Variants in EVA1C observed in about 807,000 individuals in gnomAD.
The protein encoded by EVA1C is eva-1 homolog C, also known as protein eva-1 homolog C.
In EVA1C, 25 loss-of-function variants were observed where a neutral mutation model predicts 45.4. That is an observed-to-expected ratio of 0.55 (90% confidence interval 0.40 to 0.77). The LOEUF (loss-of-function observed/expected upper bound fraction) is 0.77, where lower values mean the gene tolerates loss of function less well. EVA1C is among the 30% of genes least tolerant of loss of function. EVA1C has a pLI of 0.00. For missense variants in EVA1C, 479 were observed against 554.8 expected, an observed-to-expected ratio of 0.86 and a Z score of 1.37; for synonymous variants, 190 against 221.2, an observed-to-expected ratio of 0.86 and a Z score of 1.25.
Position 32,515,324 on chromosome 21 carries a change from G to A in EVA1C, c.*134G>A. 2 of 919,764 alleles carry A rather than the reference G, an allele frequency of 2.2e-6. No individual in the cohort carries two copies. The highest frequency in any genetic ancestry group is 3.2e-6 in the Non-Finnish European group (2 of 624,936). 57.0% of individuals were successfully genotyped at this position (919,764 alleles called of 1,614,324 possible). A position where few individuals can be genotyped will look rare whatever the true frequency, so the allele number is the denominator to read the frequency against. On this transcript the variant is annotated 3_prime_UTR_variant, in exon 8 of 8. Transcript: ENST00000300255. Reference sequence around the variant, plus strand: ...CATTCAACACTCGTGAGGCCAGGAAGCTATTAAAGGGATGTTTCAAGCTGT... The same window carrying A: ...CATTCAACACTCGTGAGGCCAGGAAACTATTAAAGGGATGTTTCAAGCTGT...
rs199974970 is a variant in EVA1C, at chr21:32,412,867, G to T, written c.14G>T (p.Gly5Val). 6.1e-4 allele frequency: 910 copies of T among 1,494,404 alleles called. 2 individuals are homozygous for T. The African/African-American group carries it at 0.012, about 20-fold the overall frequency. The allele number at this position is 1,494,404 out of a possible 1,614,324, so 92.6% of individuals were successfully genotyped here. A position where few individuals can be genotyped will look rare whatever the true frequency, so the allele number is the denominator to read the frequency against. The change falls in exon 1 of 8, where the codon GGA (glycine) becomes GTA (valine). Residue 5 changes from glycine to valine, a missense_variant. Transcript: ENST00000300255. Reference protein sequence around the residue: MLLPGRARQPPTPQP... With the variant: MLLPVRARQPPTPQP... Reference sequence around the variant, plus strand: ...GCGCAGCGCACGATGCTTCTGCCGGGACGCGCACGCCAACCGCCGACGCCC... The same window carrying T: ...GCGCAGCGCACGATGCTTCTGCCGGTACGCGCACGCCAACCGCCGACGCCC...
At chr21:32,494,888 T>C (rs1225643054) in intron 4 of EVA1C, 139 bp from the exon 5 acceptor site, 3 of 916,698 alleles carry the variant, frequency 3.3e-6, no homozygotes, top group Non-Finnish European at 4.9e-6. Flanking sequence ...GGTGCTTTAA[T>C]GAGACAGAAA....
At chr21:32,493,153 T>A (rs1035160177) in intron 4 of EVA1C, among the ~76,000 whole-genome samples, 3 of 152,218 alleles carry the variant, frequency 2.0e-5, no homozygotes, top group African/African-American at 7.2e-5. Context: ...TGTTATATTA[T>A]AAGTGAATGG....
In EVA1C at chr21:32,414,898, T is replaced by C. The variant is rs1398996018; in HGVS notation, c.160+1885T>C. 3.9e-5 allele frequency among the ~76,000 whole-genome samples: 6 copies of C among 152,196 alleles called. No homozygotes were observed. The East Asian group carries it at 9.6e-4, about 24-fold the overall frequency. Reference sequence around the variant, plus strand: ...CCTTTTGGGGAGAAGAAAGGAAATATAATGTCCTCCCAAACCACTGATGCA... The same window carrying C: ...CCTTTTGGGGAGAAGAAAGGAAATACAATGTCCTCCCAAACCACTGATGCA... On this transcript the variant is annotated intron_variant, in intron 1 of 7. Transcript: ENST00000300255.
intron 4 of EVA1C, among the ~76,000 whole-genome samples, chr21:32,483,195 C>T (rs2036854692): frequency 6.6e-6 from 1 of 152,116 alleles, no homozygotes; most frequent in Admixed American, 6.5e-5. Flanking sequence ...TCTGCACCAT[C>T]CTTTGGGTGT....
At chr21:32,472,143 TTTAA>T in intron 4 of EVA1C, among the ~76,000 whole-genome samples, 1 of 151,968 alleles carries the variant, frequency 6.6e-6, no homozygotes, top group Non-Finnish European at 1.5e-5. Context: ...GAAAGTTGGA[TTTAA>T]TTAATTAATT....
Position 32,425,334 on chromosome 21 carries a change from C to CAAAAAA in EVA1C, c.160+12337_160+12342dup, listed in dbSNP as rs60224656. Reference sequence around the variant, plus strand: ...TGGGAGACAGAGTAAGACTCCATCTCAAAAAAAAAAAAAAAAAAAAAGAGT... The same window carrying CAAAAAA: ...TGGGAGACAGAGTAAGACTCCATCTCAAAAAAAAAAAAAAAAAAAAAAAAAAAGAGT... On this transcript the variant is annotated intron_variant, in intron 1 of 7. Coordinates refer to ENST00000300255, the MANE Select transcript of EVA1C (RefSeq NM_058187.5). Among the ~76,000 whole-genome samples, 352 of 57,492 alleles carry CAAAAAA rather than the reference C, an allele frequency of 6.1e-3. 12 individuals are homozygous for CAAAAAA. Among genetic ancestry groups the CAAAAAA allele is most frequent in the Middle Eastern group, 0.022 (2 of 90 alleles). The allele number at this position is 57,492 out of a possible 152,430, so 37.7% of individuals were successfully genotyped here.
chr21:32,464,115 C>T (rs1429979748), intron 3 of EVA1C, among the ~76,000 whole-genome samples: 2 of 152,188 alleles, frequency 1.3e-5, no homozygotes, highest in Non-Finnish European at 2.9e-5. Context: ...AACCTTCTGA[C>T]GTTCGGGTCA....
chr21:32,500,353 GT>G (rs1382387744), intron 5 of EVA1C, among the ~76,000 whole-genome samples: 6 of 151,980 alleles, frequency 3.9e-5, no homozygotes, highest in African/African-American at 1.2e-4. Flanking sequence ...GTTTCGCCAT[GT>G]TGGCCAGCCT....
intron 1 of EVA1C, among the ~76,000 whole-genome samples, chr21:32,420,035 G>C (rs944457442): frequency 6.6e-6 from 1 of 152,156 alleles, no homozygotes; most frequent in Non-Finnish European, 1.5e-5. Context: ...GGGGTATCTC[G>C]TTCTGCCACC....
At chr21:32,450,281 TC>T (rs35804600) in intron 1 of EVA1C, among the ~76,000 whole-genome samples, 24,457 of 151,904 alleles carry the variant, frequency 0.16, 2,244 homozygotes, top group Admixed American at 0.23. Flanking sequence ...AAAGTTTCAT[TC>T]CCACTCACGT....
rs138395786 is a variant in EVA1C, at chr21:32,437,697, C to T, written c.161-15615C>T. ...GGTTACCTGCTGGCATCACCTCCCA[C>T]CTGGAAGCCTTCCTCATCTCTGGGG... is the stretch of plus-strand genomic sequence containing the variant. On this transcript the variant is annotated intron_variant, in intron 1 of 7. Coordinates refer to ENST00000300255, the MANE Select transcript of EVA1C (RefSeq NM_058187.5). 4.2e-3 allele frequency among the ~76,000 whole-genome samples: 642 copies of T among 152,310 alleles called. 6 individuals carry two copies. The highest frequency in any genetic ancestry group is 0.015 in the African/African-American group (616 of 41,570).
At chr21:32,460,888 GGC>G (rs2146279333) in intron 3 of EVA1C, among the ~76,000 whole-genome samples, 1 of 152,176 alleles carries the variant, frequency 6.6e-6, no homozygotes, top group Admixed American at 6.5e-5. Flanking sequence ...TGGGATTATA[GGC>G]ATACACCACC....
chr21:32,492,740 C>T (rs1264635760), intron 4 of EVA1C, among the ~76,000 whole-genome samples: 2 of 151,522 alleles, frequency 1.3e-5, no homozygotes, highest in Admixed American at 1.3e-4. Context: ...ATGATCGTGT[C>T]CTTCAAACTG....
At position 32,515,177 on chromosome 21, in the gene EVA1C, G is replaced by A. The variant is rs2038099345; in HGVS notation, c.1313G>A (p.Gly438Asp). The A allele has an allele frequency of 1.3e-6, 2 of 1,586,168 alleles. No individual in the cohort carries two copies. Among genetic ancestry groups the A allele is most frequent in the Admixed American group, 1.7e-5 (1 of 57,284 alleles). ...GACACCTCGCTCCCAAGAAACATGG[G>A]CCAGTTCTACTGAAAACCACATGCA... is the stretch of plus-strand genomic sequence containing the variant. ...GLDTSLPRNM[G>D]QFY The change falls in exon 8 of 8, where the codon GGC becomes GAC. Residue 438 changes from glycine (G) to aspartate (D), a missense_variant. Around this residue, in one of 3 missense-constraint regions of EVA1C, gnomAD observed 366 missense variants for 426.1 expected, o/e 0.86. Coordinates refer to ENST00000300255, the MANE Select transcript of EVA1C (RefSeq NM_058187.5).
At chr21:32,500,624 T>G (rs2146428708) in intron 5 of EVA1C, among the ~76,000 whole-genome samples, 1 of 151,468 alleles carries the variant, frequency 6.6e-6, no homozygotes, top group East Asian at 2.0e-4. Flanking sequence ...CACTGCCCCA[T>G]TCCCACCCCC....
At chr21:32,478,091 C>T (rs2036648817) in intron 4 of EVA1C, among the ~76,000 whole-genome samples, 1 of 149,528 alleles carries the variant, frequency 6.7e-6, no homozygotes, top group South Asian at 2.2e-4. Flanking sequence ...TCACTGGGGA[C>T]CCTTTTGAAG....
At chr21:32,417,455 C>T (rs999342794) in intron 1 of EVA1C, among the ~76,000 whole-genome samples, 1 of 151,150 alleles carries the variant, frequency 6.6e-6, no homozygotes, top group Admixed American at 6.6e-5. Context: ...GGACTAGACT[C>T]CTTCAAATGA....
intron 5 of EVA1C, among the ~76,000 whole-genome samples, chr21:32,500,514 C>T (rs980065976): frequency 1.1e-4 from 17 of 152,170 alleles, no homozygotes; most frequent in African/African-American, 3.6e-4. Flanking sequence ...GAATACAATG[C>T]AATGATTTTT....
Sources: gnomAD v4.1 joint callset for allele counts (sites outside exome capture counted in the v4.1 genomes callset) on GRCh38, gnomAD v4.1.1 for gene constraint, gnomAD v4.1.1 regional missense constraint, MANE v1.5 for transcripts, NCBI Gene and HGNC (gene_info 2026-07-23, HGNC 2026-07-21) for gene names.